The following SLC9A9 variants were observed in gnomAD, a reference collection of about 807,000 sequenced individuals.
The protein encoded by SLC9A9 is solute carrier family 9 member A9.
SLC9A9 carries 62 observed loss-of-function variants against 77.8 expected under a neutral mutation model. That is an observed-to-expected ratio of 0.80 (90% CI 0.65 to 0.98). SLC9A9 has a LOEUF of 0.98. SLC9A9 is among the 50% of genes least tolerant of loss of function. The probability of loss-of-function intolerance (pLI) is 0.00; values close to 1 mark genes in which losing one functional copy is unlikely to be tolerated. For synonymous variants in SLC9A9, 320 were observed against 283.5 expected, an observed-to-expected ratio of 1.13 and a Z score of -1.29; for missense variants, 775 against 774.9, an observed-to-expected ratio of 1.00 and a Z score of 0.00.
At chr3:143,671,317 T>C (rs549383384) in intron 5 of SLC9A9, among the ~76,000 whole-genome samples, 13 of 152,328 alleles carry the variant, frequency 8.5e-5, no homozygotes, top group African/African-American at 2.9e-4. Context: ...AGTTTTTTTT[T>C]CAGATAGATG....
At chr3:143,375,693 C>G (rs983028185) in intron 13 of SLC9A9, among the ~76,000 whole-genome samples, 2 of 152,092 alleles carry the variant, frequency 1.3e-5, no homozygotes, top group Admixed American at 1.3e-4. Context: ...TGTAGCTGAC[C>G]CTAGATATAT....
intron 4 of SLC9A9, among the ~76,000 whole-genome samples, chr3:143,753,281 A>C (rs188396761): frequency 6.6e-6 from 1 of 152,262 alleles, no homozygotes; most frequent in East Asian, 1.9e-4. Context: ...AAAAGTGTCG[A>C]TGTATCACTT....
At chr3:143,837,189 C>T (rs921644547) in intron 1 of SLC9A9, among the ~76,000 whole-genome samples, 8 of 152,188 alleles carry the variant, frequency 5.3e-5, no homozygotes, top group African/African-American at 1.4e-4. Context: ...TGTGTCCAGA[C>T]ACCATCACAC....
chr3:143,337,038 A>G (rs2031947500), intron 14 of SLC9A9, among the ~76,000 whole-genome samples: 1 of 152,198 alleles, frequency 6.6e-6, no homozygotes, highest in South Asian at 2.1e-4. Context: ...TAAAACTCCA[A>G]ATTATTCCAA....
At chr3:143,497,365 A>T (rs2035852742) in intron 9 of SLC9A9, among the ~76,000 whole-genome samples, 1 of 152,190 alleles carries the variant, frequency 6.6e-6, no homozygotes. Context: ...TCCCTAGCTC[A>T]AATATGGAGC....
At chr3:143,422,309 C>T (rs565971134) in intron 12 of SLC9A9, among the ~76,000 whole-genome samples, 3 of 152,254 alleles carry the variant, frequency 2.0e-5, no homozygotes, top group South Asian at 4.1e-4. Flanking sequence ...TTGTGTTCAT[C>T]GCAGCACTAT....
At chr3:143,587,132 G>A (rs1283662728) in intron 6 of SLC9A9, among the ~76,000 whole-genome samples, 1 of 152,168 alleles carries the variant, frequency 6.6e-6, no homozygotes, top group African/African-American at 2.4e-5. Flanking sequence ...AGTGTATCAT[G>A]GCTTCCTCGG....
chr3:143,368,784 T>C (rs1385213080), intron 13 of SLC9A9, among the ~76,000 whole-genome samples: 1 of 152,202 alleles, frequency 6.6e-6, no homozygotes, highest in African/African-American at 2.4e-5. Flanking sequence ...GACTTTCTAA[T>C]TACCAAGGAG....
intron 2 of SLC9A9, among the ~76,000 whole-genome samples, chr3:143,821,901 GC>G (rs2009174565): frequency 6.6e-6 from 1 of 151,416 alleles, no homozygotes; most frequent in Non-Finnish European, 1.5e-5. Context: ...CCCAGCCTAT[GC>G]GGGGGTCAGT....
intron 5 of SLC9A9, among the ~76,000 whole-genome samples, chr3:143,684,494 T>C (rs1933198989): frequency 1.3e-5 from 2 of 152,118 alleles, no homozygotes; most frequent in Non-Finnish European, 2.9e-5. Context: ...TTTAGGAACA[T>C]TAAATGTGTC....
At chr3:143,353,846 G>T (rs1315810357) in intron 14 of SLC9A9, among the ~76,000 whole-genome samples, 1 of 151,996 alleles carries the variant, frequency 6.6e-6, no homozygotes. Flanking sequence ...TTTTTCTGGG[G>T]GAAGAAATAT....
chr3:143,696,904 T>C (rs1304534289), intron 4 of SLC9A9, among the ~76,000 whole-genome samples: 1 of 152,068 alleles, frequency 6.6e-6, no homozygotes, highest in Non-Finnish European at 1.5e-5. Context: ...AATTTGGCAA[T>C]TTATTCTAAA....
intron 4 of SLC9A9, among the ~76,000 whole-genome samples, chr3:143,725,734 T>A (rs1453320939): frequency 3.2e-5 from 3 of 94,992 alleles, no homozygotes; most frequent in African/African-American, 4.1e-5. Flanking sequence ...TGGGGACTGT[T>A]GTGGGGTGGG....
chr3:143,446,876 ATGTGTGTG>A (rs60912550), intron 12 of SLC9A9, among the ~76,000 whole-genome samples: 1 of 148,508 alleles, frequency 6.7e-6, no homozygotes, highest in South Asian at 2.2e-4. Flanking sequence ...GTAGGTGTGT[ATGTGTGTG>A]TGTGTGTGTG....
At chr3:143,267,774 CTAA>C (rs746419204) in intron 15 of SLC9A9, among the ~76,000 whole-genome samples, 1 of 152,166 alleles carries the variant, frequency 6.6e-6, no homozygotes, top group Non-Finnish European at 1.5e-5. Context: ...CTGGATCTGG[CTAA>C]TAATAATTTT....
At chr3:143,572,069 C>A (rs1419735033) in intron 8 of SLC9A9, among the ~76,000 whole-genome samples, 1 of 152,148 alleles carries the variant, frequency 6.6e-6, no homozygotes, top group Non-Finnish European at 1.5e-5. Context: ...GGGGTTCACA[C>A]CCATATTCAC....
chr3:143,787,635 T>C (rs755488543), intron 4 of SLC9A9, among the ~76,000 whole-genome samples: 19 of 152,218 alleles, frequency 1.2e-4, no homozygotes, highest in Non-Finnish European at 2.2e-4. Context: ...TTTATTTCAC[T>C]GTTTTTCACT....
At chr3:143,696,398 A>G (rs1248148864) in intron 4 of SLC9A9, among the ~76,000 whole-genome samples, 1 of 152,226 alleles carries the variant, frequency 6.6e-6, no homozygotes, top group East Asian at 1.9e-4. Context: ...GTGAACAAAC[A>G]AAGATCCCTG....
chr3:143,557,067 T>A (rs2036996331), intron 8 of SLC9A9, among the ~76,000 whole-genome samples: 2 of 152,172 alleles, frequency 1.3e-5, no homozygotes, highest in African/African-American at 2.4e-5. Flanking sequence ...TCCCCATGTG[T>A]CAGGGGAGGA....
Sources: gnomAD v4.1 joint callset for allele counts (sites outside exome capture counted in the v4.1 genomes callset) on GRCh38, gnomAD v4.1.1 for gene constraint, MANE v1.5 for transcripts, NCBI Gene and HGNC (gene_info 2026-07-23, HGNC 2026-07-21) for gene names.